The following TXNL4A variants were observed in gnomAD, a reference collection of about 807,000 sequenced individuals.
TXNL4A encodes thioredoxin-like protein 4A.
TXNL4A carries 17 observed loss-of-function variants against 14.6 expected under a neutral mutation model. The observed-to-expected ratio is 1.16, with a 90% CI of 0.80 to 1.74. TXNL4A has a LOEUF of 1.74. Among genes scored for constraint, TXNL4A ranks in the 40% most tolerant of loss-of-function variants. TXNL4A has a pLI of 0.00. For synonymous variants in TXNL4A, 83 were observed against 70.6 expected, an observed-to-expected ratio of 1.18 and a Z score of -0.88; for missense variants, 74 against 195.2, an observed-to-expected ratio of 0.38 and a Z score of 3.70.
intron 1 of TXNL4A, among the ~76,000 whole-genome samples, chr18:80,004,938 A>G (rs1483916076): frequency 6.6e-6 from 1 of 152,258 alleles, no homozygotes; most frequent in Non-Finnish European, 1.5e-5. Context: ...AATGAAAATC[A>G]GGACAACTAA....
At position 79,973,859 on chromosome 18, in the gene TXNL4A, G is replaced by A; in HGVS notation, c.258-3C>T. 1 of 1,612,592 alleles carries A rather than the reference G, an allele frequency of 6.2e-7. No homozygotes were observed. Among genetic ancestry groups the A allele is most frequent in the Non-Finnish European group, 8.5e-7 (1 of 1,179,504 alleles). Reference sequence around the variant, plus strand: ...AGTCAATCATGATGTGCTTGTTCCTGCAACGAGAAACAAGGGCATCCATTC... The same window carrying A: ...AGTCAATCATGATGTGCTTGTTCCTACAACGAGAAACAAGGGCATCCATTC... On this transcript the variant is annotated splice_region_variant and splice_polypyrimidine_tract_variant and intron_variant, in intron 2 of 2. Transcript: ENST00000269601.
Position 80,005,443 on chromosome 18 carries a change from A to ATT in TXNL4A, c.-60-27744_-60-27743dup, listed in dbSNP as rs1404028644. Among the ~76,000 whole-genome samples, 7 of 152,328 alleles carry ATT rather than the reference A, an allele frequency of 4.6e-5. No homozygotes were observed. In the East Asian group the frequency reaches 1.2e-3, roughly 25 times the overall value. ...CCTATGTAGGTATTCATTCTGTATT[A>ATT]TTTAAAATGTCTACATGTGCACCCT... On this transcript the variant is annotated intron_variant, in intron 1 of 2. Coordinates refer to the TXNL4A transcript ENST00000585474.
At chr18:79,995,037 G>A (rs1173222717) in intron 1 of TXNL4A, 2 of 152,334 alleles carry the variant, frequency 1.3e-5, no homozygotes, top group South Asian at 2.1e-4. Context: ...ACCCGTTTCG[G>A]GAACAACTGT....
chr18:79,973,525 G>A lies in TXNL4A; in HGVS notation c.*160C>T, dbSNP rs1026252192. 25 of 822,988 alleles carry A rather than the reference G, an allele frequency of 3.0e-5. No individual in the cohort carries two copies. The South Asian group carries it at 3.8e-4, about 12-fold the overall frequency. 51.0% of individuals were successfully genotyped at this position (822,988 alleles called of 1,614,324 possible). On this transcript the variant is annotated 3_prime_UTR_variant, in exon 3 of 3. Coordinates refer to ENST00000269601, the MANE Select transcript of TXNL4A (RefSeq NM_006701.5). ...CAAGTAGGCCTGCTCCTCTCACCAC[G>A]TGCTTGTTTATTTCGGTGAGTTAAG...
chr18:79,995,975 G>C (rs2051658249), intron 1 of TXNL4A, among the ~76,000 whole-genome samples: 1 of 151,892 alleles, frequency 6.6e-6, no homozygotes, highest in Non-Finnish European at 1.5e-5. Context: ...ATGGTGGCGG[G>C]CGCCTGTAGT....
At chr18:80,022,720 C>T (rs989631901) in intron 1 of TXNL4A, among the ~76,000 whole-genome samples, 3 of 152,142 alleles carry the variant, frequency 2.0e-5, no homozygotes, top group Non-Finnish European at 2.9e-5. Flanking sequence ...CTTGCTTTGG[C>T]GTGACCAAGG....
At position 79,977,693 on chromosome 18, in the gene TXNL4A, A is replaced by C; in HGVS notation, c.162T>G (p.Asn54Lys). 1 of 1,589,604 alleles carries C rather than the reference A, an allele frequency of 6.3e-7. No homozygotes were observed. Among genetic ancestry groups the C allele is most frequent in the Non-Finnish European group, 8.6e-7 (1 of 1,164,784 alleles). ...TATCCACAAGATAAATAACTGCAAA[A>C]TTTTTAACCTAAAAGGAGATTAAAA... ...VLYSIAEKVK[N>K]FAVIYLVDIT... The change falls in exon 2 of 3, where the codon AAT (asparagine) becomes AAG (lysine). Residue 54 changes from asparagine to lysine, a missense_variant. Transcript: ENST00000269601.
rs946414139 is a variant in TXNL4A, at chr18:80,011,820, T to G, written c.-61+22031A>C. ...TATATATATTTTATGTGAAGTTTAC[T>G]CTCTATAAAGTTTGGATGAAGACAT... On this transcript the variant is annotated intron_variant, in intron 1 of 2. Coordinates refer to the TXNL4A transcript ENST00000585474. The surrounding 1 kb of genome is among the most constrained non-coding windows in gnomAD (Gnocchi z 4.1). Among the ~76,000 whole-genome samples the G allele has an allele frequency of 1.3e-5, 2 of 152,180 alleles. No individual in the cohort carries two copies. The highest frequency in any genetic ancestry group is 2.9e-5 in the Non-Finnish European group (2 of 68,040).
rs1348874648 is a variant in TXNL4A at position 79,973,752 on chromosome 18, C to T, written c.362G>A (p.Arg121His). ...EMVDIIETVYRGARKGRGLVV... is the reference protein window; with the variant it reads ...EMVDIIETVYHGARKGRGLVV... Reference sequence around the variant, plus strand: ...CAGGCCGCGGCCTTTGCGGGCCCCGCGGTACACCGTCTCGATGATGTCCAC... The same window carrying T: ...CAGGCCGCGGCCTTTGCGGGCCCCGTGGTACACCGTCTCGATGATGTCCAC... The change falls in exon 3 of 3, where the codon CGC becomes CAC. Residue 121 changes from arginine (R) to histidine (H), a missense_variant. Coordinates refer to ENST00000269601, the MANE Select transcript of TXNL4A (RefSeq NM_006701.5). 8 of 1,614,062 alleles carry T rather than the reference C, an allele frequency of 5.0e-6. No homozygotes were observed. The highest frequency in any genetic ancestry group is 4.4e-5 in the South Asian group (4 of 91,092).
At chr18:79,989,363 G>A (rs1277098455), upstream of TXNL4A, among the ~76,000 whole-genome samples, 1 of 151,874 alleles carries the variant, frequency 6.6e-6, no homozygotes, top group Non-Finnish European at 1.5e-5. Context: ...GCCCGCCTCG[G>A]CCTCCCAAAG....
In TXNL4A at chr18:79,988,552, G is replaced by A. The variant is rs985569127; in HGVS notation, c.-160C>T. 3 of 746,444 alleles carry A rather than the reference G, an allele frequency of 4.0e-6. No homozygotes were observed. The highest frequency in any genetic ancestry group is 1.9e-5 in the African/African-American group (1 of 53,640). 46.2% of individuals were successfully genotyped at this position (746,444 alleles called of 1,614,324 possible). On this transcript the variant is annotated 5_prime_UTR_variant, in exon 1 of 3. Coordinates refer to ENST00000269601, the MANE Select transcript of TXNL4A (RefSeq NM_006701.5). ...GCAAACTCCGCTGGGACTGCCACCC[G>A]GCAGAACGTCTGGGCGCGCACGCAC...
rs971724808 is a variant in TXNL4A at position 80,015,431 on chromosome 18, T to C, written c.-61+18420A>G. 1.3e-4 allele frequency among the ~76,000 whole-genome samples: 20 copies of C among 151,602 alleles called. No homozygotes were observed. The South Asian group carries it at 2.5e-3, about 19-fold the overall frequency. On this transcript the variant is annotated intron_variant, in intron 1 of 2. Transcript: ENST00000585474. Reference sequence around the variant, plus strand: ...AATGTGCAAGTCAGTTACATATGTATACATGTGCCATGCTGGTGTGCTGCA... The same window carrying C: ...AATGTGCAAGTCAGTTACATATGTACACATGTGCCATGCTGGTGTGCTGCA...
chr18:80,021,182 CTT>C (rs71163850), intron 1 of TXNL4A, among the ~76,000 whole-genome samples: 18 of 147,892 alleles, frequency 1.2e-4, no homozygotes, highest in Admixed American at 2.7e-4. Flanking sequence ...TTGGAGGGAT[CTT>C]TTTTTTTTTT....
chr18:80,024,699 A>C (rs2145128311), intron 1 of TXNL4A, among the ~76,000 whole-genome samples: 1 of 152,284 alleles, frequency 6.6e-6, no homozygotes, highest in South Asian at 2.1e-4. Context: ...TTCCTCTTTC[A>C]GAAGAACATA....
intron 1 of TXNL4A, among the ~76,000 whole-genome samples, chr18:80,014,768 C>G (rs1464600515): frequency 6.6e-6 from 1 of 152,202 alleles, no homozygotes; most frequent in Non-Finnish European, 1.5e-5. Context: ...TGTGGGGGCT[C>G]CAACCCCAAA....
chr18:80,025,086 CCTAAATG>C (rs1476016082), intron 1 of TXNL4A, among the ~76,000 whole-genome samples: 2 of 152,150 alleles, frequency 1.3e-5, no homozygotes, highest in Non-Finnish European at 2.9e-5. Context: ...GTTACAATGA[CCTAAATG>C]GGGATCTTTT....
chr18:79,993,339 T>C (rs535447067), upstream of TXNL4A, among the ~76,000 whole-genome samples: 12 of 152,240 alleles, frequency 7.9e-5, no homozygotes, highest in African/African-American at 2.9e-4. This position sits in a 1 kb window ranked among gnomAD's most constrained non-coding sequence, Gnocchi z 4.4. Context: ...AAAAATCTCC[T>C]TTTTTCCTGG....
intron 1 of TXNL4A, among the ~76,000 whole-genome samples, chr18:79,978,836 T>A (rs2051419826): frequency 6.6e-6 from 1 of 151,602 alleles, no homozygotes. Flanking sequence ...AGATATATAT[T>A]TTTTAATTTG....
chr18:80,016,531 A>C (rs528724600), intron 1 of TXNL4A, among the ~76,000 whole-genome samples: 82 of 152,170 alleles, frequency 5.4e-4, no homozygotes, highest in South Asian at 1.7e-3. Flanking sequence ...TCTTGAATTA[A>C]TTTTTGTATA....
Sources: allele counts gnomAD v4.1 joint callset (sites outside exome capture counted in the v4.1 genomes callset), GRCh38; gene constraint gnomAD v4.1.1; non-coding constraint Gnocchi (gnomAD v3.1); transcripts MANE v1.5; gene names NCBI Gene and HGNC (gene_info 2026-07-23, HGNC 2026-07-21).